Variants in ANKS1B observed in about 807,000 individuals in gnomAD.
ANKS1B encodes the protein ankyrin repeat and sterile alpha motif domain containing 1B, also known as ankyrin repeat and sterile alpha motif domain-containing protein 1B.
A neutral mutation model predicts 148.3 loss-of-function variants in ANKS1B; 36 were observed. The observed-to-expected ratio is 0.24, with a 90% CI of 0.19 to 0.32. The LOEUF (loss-of-function observed/expected upper bound fraction) is 0.32, where lower values mean the gene tolerates loss of function less well. Ranked by LOEUF, ANKS1B falls within the 10% of genes least tolerant of loss-of-function variation. ANKS1B has a pLI of 1.00. For synonymous variants in ANKS1B, 542 were observed against 560.8 expected (o/e 0.97, Z 0.47); for missense variants, 1,157 against 1,542.6 (o/e 0.75, Z 4.19).
intron 17 of ANKS1B, among the ~76,000 whole-genome samples, chr12:98,915,289 A>G (rs2099792742): frequency 6.6e-6 from 1 of 152,194 alleles, no homozygotes; most frequent in Non-Finnish European, 1.5e-5. Context: ...CCAAGGAGAG[A>G]GATCTGGAGC....
rs138577345 is a variant in ANKS1B at position 99,527,662 on chromosome 12, C to G, written c.1273-23021G>C. ...AGAGCATGAGCCCTTTAACTGGAGT[C>G]AGAATCCCAACTCTGCCTTTTTTAA... is the stretch of plus-strand genomic sequence containing the variant. On this transcript the variant is annotated intron_variant, in intron 9 of 26. Coordinates refer to ENST00000683438, the MANE Select transcript of ANKS1B (RefSeq NM_001352186.2). Among the ~76,000 whole-genome samples the G allele has an allele frequency of 4.4e-3, 668 of 152,252 alleles. 5 individuals carry two copies. Among genetic ancestry groups the G allele is most frequent in the African/African-American group, 0.015 (621 of 41,566 alleles).
At chr12:99,936,001 AAAG>A (rs2094758784) in intron 1 of ANKS1B, among the ~76,000 whole-genome samples, 1 of 152,164 alleles carries the variant, frequency 6.6e-6, no homozygotes, top group African/African-American at 2.4e-5. Flanking sequence ...GCAGCAGGAG[AAAG>A]AATGAGTGCA....
intron 10 of ANKS1B, among the ~76,000 whole-genome samples, chr12:99,472,429 C>G (rs1313683016): frequency 1.3e-5 from 2 of 152,100 alleles, no homozygotes; most frequent in Non-Finnish European, 2.9e-5. Context: ...TTTACACTCT[C>G]AGACCTAAGT....
chr12:99,569,662 C>A (rs2097431604), intron 9 of ANKS1B, among the ~76,000 whole-genome samples: 1 of 152,152 alleles, frequency 6.6e-6, no homozygotes, highest in African/African-American at 2.4e-5. Context: ...TGTTGTCAGC[C>A]CCTACAGGGA....
intron 17 of ANKS1B, among the ~76,000 whole-genome samples, chr12:99,041,716 G>A (rs1568511992): frequency 6.6e-6 from 1 of 152,044 alleles, no homozygotes; most frequent in Non-Finnish European, 1.5e-5. Context: ...TAAAACCTTT[G>A]TGGGCCAGGC....
At chr12:99,777,398 CATTTAGGAGAGCAAAGATAGTT>C (rs149439068) in intron 6 of ANKS1B, among the ~76,000 whole-genome samples, 243 of 152,240 alleles carry the variant, frequency 1.6e-3, no homozygotes, top group African/African-American at 5.7e-3. Context: ...TAATCTTGAC[CATTTAGGAGAGCAAAGATAGTT>C]ACTCCCATGT....
intron 12 of ANKS1B, among the ~76,000 whole-genome samples, chr12:99,257,929 A>G (rs1319096367): frequency 1.3e-5 from 2 of 152,154 alleles, no homozygotes. Flanking sequence ...CCTCTCTTCT[A>G]TCAGATGTTT....
chr12:99,816,341 G>T (rs1218778307), intron 2 of ANKS1B, among the ~76,000 whole-genome samples: 1 of 150,982 alleles, frequency 6.6e-6, no homozygotes, highest in Non-Finnish European at 1.5e-5. Flanking sequence ...GGGATTATTT[G>T]TTTTTTTTCT....
In ANKS1B at chr12:98,782,846, GA is replaced by G. The variant is rs200833015; in HGVS notation, c.3343-710del. Among the ~76,000 whole-genome samples, 1,257 of 152,190 alleles carry G rather than the reference GA, an allele frequency of 8.3e-3. 13 individuals are homozygous for G. The highest frequency in any genetic ancestry group is 0.029 in the African/African-American group (1,195 of 41,454). On this transcript the variant is annotated intron_variant, in intron 22 of 26. Coordinates refer to ENST00000683438, the MANE Select transcript of ANKS1B (RefSeq NM_001352186.2). ...TGTGATTGCCAAAAAGAGAGATTAT[GA>G]AAATAAAATATAAGGTTAGAAACTC...
intron 9 of ANKS1B, among the ~76,000 whole-genome samples, chr12:99,569,714 C>T (rs2097432092): frequency 6.6e-6 from 1 of 152,142 alleles, no homozygotes; most frequent in Non-Finnish European, 1.5e-5. Flanking sequence ...ATGTCCACCC[C>T]ATTAAGAATG....
rs193165477 is a variant in ANKS1B, at chr12:99,500,061, G to A, written c.1438+4415C>T. On this transcript the variant is annotated intron_variant, in intron 10 of 26. Coordinates refer to ENST00000683438, the MANE Select transcript of ANKS1B (RefSeq NM_001352186.2). ...GATGAAAGCTTAAAGGAAAGAAAAC[G>A]TAACTGTAAGCTGAAAGAAAGTTTC... Among the ~76,000 whole-genome samples the A allele has an allele frequency of 1.1e-3, 160 of 152,266 alleles. 1 individual carries two copies. The highest frequency in any genetic ancestry group is 9.2e-3 in the Admixed American group (140 of 15,278).
intron 10 of ANKS1B, among the ~76,000 whole-genome samples, chr12:99,467,729 T>C (rs1342285596): frequency 2.0e-5 from 3 of 152,150 alleles, no homozygotes; most frequent in East Asian, 3.9e-4. Context: ...ATCCAACTTA[T>C]AAGGGACATG....
intron 3 of ANKS1B, among the ~76,000 whole-genome samples, chr12:99,807,021 G>A (rs1174057910): frequency 6.6e-6 from 1 of 152,084 alleles, no homozygotes; most frequent in Non-Finnish European, 1.5e-5. Context: ...TATCTGCATG[G>A]TGCATCACAT....
At chr12:98,777,265 G>C (rs1357626632) in intron 24 of ANKS1B, among the ~76,000 whole-genome samples, 3 of 152,122 alleles carry the variant, frequency 2.0e-5, no homozygotes, top group Admixed American at 6.5e-5. Flanking sequence ...AAAGTATTTT[G>C]TGCCCCTAAA....
chr12:99,151,395 G>A (rs2153818323), intron 15 of ANKS1B, among the ~76,000 whole-genome samples: 1 of 152,038 alleles, frequency 6.6e-6, no homozygotes, highest in Non-Finnish European at 1.5e-5. Context: ...GGGTGTGGTG[G>A]TGCACACCTG....
At chr12:99,324,586 T>C (rs1356683631) in intron 12 of ANKS1B, among the ~76,000 whole-genome samples, 1 of 152,190 alleles carries the variant, frequency 6.6e-6, no homozygotes. Context: ...CTTTTCACTG[T>C]CTTTTATCTC....
chr12:98,745,975 G>C, intron 26 of ANKS1B, 126 bp from the exon 27 acceptor site: 1 of 994,830 alleles, frequency 1.0e-6, no homozygotes. Flanking sequence ...TGCTGGTCTA[G>C]GCGGCTCGCG....
intron 8 of ANKS1B, among the ~76,000 whole-genome samples, chr12:99,705,187 T>C (rs1333895766): frequency 6.6e-5 from 10 of 152,146 alleles, no homozygotes. Flanking sequence ...TTTCTCACTC[T>C]ATAGCCTGGT....
At chr12:99,219,442 A>T (rs2084741312) in intron 14 of ANKS1B, among the ~76,000 whole-genome samples, 1 of 152,220 alleles carries the variant, frequency 6.6e-6, no homozygotes, top group Admixed American at 6.5e-5. Context: ...CAAAGAAACA[A>T]GATTTTCCTT....
Sources: gnomAD v4.1 joint callset for allele counts (sites outside exome capture counted in the v4.1 genomes callset) on GRCh38, gnomAD v4.1.1 for gene constraint, MANE v1.5 for transcripts, NCBI Gene and HGNC (gene_info 2026-07-23, HGNC 2026-07-21) for gene names.